The following TLCD4 variants were observed in gnomAD, a reference collection of about 807,000 sequenced individuals.
The protein encoded by TLCD4 is TLC domain containing 4.
In TLCD4, 7 loss-of-function variants were observed where a neutral mutation model predicts 24.2. The observed-to-expected ratio is 0.29, with a 90% CI of 0.16 to 0.54. TLCD4 has a LOEUF of 0.54. Ranked by LOEUF, TLCD4 falls within the 20% of genes least tolerant of loss-of-function variation. The pLI is 0.95. For synonymous variants in TLCD4, 103 were observed against 106.4 expected, an observed-to-expected ratio of 0.97 and a Z score of 0.20; for missense variants, 259 against 313.9, an observed-to-expected ratio of 0.82 and a Z score of 1.32.
intron 6 of TLCD4, among the ~76,000 whole-genome samples, chr1:95,179,704 C>T (rs75304418): frequency 0.012 from 1,830 of 152,274 alleles, 24 homozygotes; most frequent in Non-Finnish European, 0.021. Flanking sequence ...CTCTCAGTGG[C>T]TCTGGCTGCT....
intron 6 of TLCD4, among the ~76,000 whole-genome samples, chr1:95,178,563 CTTTTT>C (rs57190787): frequency 1.5e-4 from 12 of 82,388 alleles, no homozygotes; most frequent in African/African-American, 5.4e-4. Context: ...ATGCCCAGCC[CTTTTT>C]TTTTTTTTTT....
intron 6 of TLCD4, among the ~76,000 whole-genome samples, chr1:95,189,033 C>G (rs963412969): frequency 2.0e-5 from 3 of 152,122 alleles, no homozygotes; most frequent in Admixed American, 6.5e-5. Flanking sequence ...TAAAATAGTT[C>G]ACTGTTTCCA....
intron 2 of TLCD4, among the ~76,000 whole-genome samples, chr1:95,145,214 T>A (rs1677312761): frequency 6.6e-6 from 1 of 152,216 alleles, no homozygotes; most frequent in South Asian, 2.1e-4. Flanking sequence ...ATAAAATGGA[T>A]TCAGCAAGTC....
chr1:95,120,088 G>A (rs925157294), intron 1 of TLCD4: 2 of 152,188 alleles, frequency 1.3e-5, no homozygotes, highest in Non-Finnish European at 2.9e-5. Context: ...CACCAAACTA[G>A]TGCAGTCACC....
At chr1:95,162,825 T>C (rs557891341) in intron 5 of TLCD4, among the ~76,000 whole-genome samples, 1 of 152,374 alleles carries the variant, frequency 6.6e-6, no homozygotes, top group Admixed American at 6.5e-5. Context: ...TGTTGAACAT[T>C]GGCCCCCACT....
intron 1 of TLCD4, among the ~76,000 whole-genome samples, chr1:95,121,367 G>C (rs1390415776): frequency 2.6e-5 from 4 of 152,328 alleles, no homozygotes; most frequent in Admixed American, 2.6e-4. Flanking sequence ...TCACAATTTT[G>C]AGAAGTTGGA....
rs59538553 is a variant in TLCD4 at position 95,150,553 on chromosome 1, G to A, written c.304+287G>A. 9.6e-3 allele frequency among the ~76,000 whole-genome samples: 1,465 copies of A among 152,168 alleles called. 57 individuals are homozygous for A. Among genetic ancestry groups the A allele is most frequent in the East Asian group, 0.081 (421 of 5,168 alleles). ...CTCTTTGTCCTAATGAGGCTCTTAA[G>A]TGTAATGACTGTGAAACTAACGAAA... On this transcript the variant is annotated intron_variant, in intron 4 of 6. Coordinates refer to ENST00000370203, the MANE Select transcript of TLCD4 (RefSeq NM_152487.3).
chr1:95,148,177 C>T lies in TLCD4; in HGVS notation c.156-525C>T, dbSNP rs530505582. Among the ~76,000 whole-genome samples, 132 of 152,298 alleles carry T rather than the reference C, an allele frequency of 8.7e-4. 1 individual carries two copies. The highest frequency in any genetic ancestry group is 3.0e-3 in the African/African-American group (126 of 41,566). ...AATCAAGTGCAATAGTGCATGTCAA[C>T]GTACTTTAAAAACTGAAGCCTCCCA... On this transcript the variant is annotated intron_variant, in intron 2 of 6. Coordinates refer to ENST00000370203, the MANE Select transcript of TLCD4 (RefSeq NM_152487.3).
intron 2 of TLCD4, among the ~76,000 whole-genome samples, chr1:95,146,097 A>G (rs1677338301): frequency 6.6e-6 from 1 of 151,978 alleles, no homozygotes; most frequent in African/African-American, 2.4e-5. Context: ...AACACACATA[A>G]TTCTTTCTAG....
intron 1 of TLCD4, among the ~76,000 whole-genome samples, chr1:95,119,979 T>A (rs1185240524): frequency 6.6e-6 from 1 of 152,178 alleles, no homozygotes. Flanking sequence ...ATTAATTGTC[T>A]GGGTGAGAAT....
At chr1:95,139,799 A>G (rs533322167) in intron 1 of TLCD4, among the ~76,000 whole-genome samples, 1 of 152,280 alleles carries the variant, frequency 6.6e-6, no homozygotes, top group East Asian at 1.9e-4. Flanking sequence ...AAACAAACCC[A>G]TTGTATGGCT....
chr1:95,140,229 T>C (rs760025088), intron 1 of TLCD4, among the ~76,000 whole-genome samples: 2 of 152,206 alleles, frequency 1.3e-5, no homozygotes, highest in Non-Finnish European at 2.9e-5. Context: ...CTGCACATAA[T>C]TGTATGTGCT....
At chr1:95,114,659 G>A (rs976570858), upstream of TLCD4, among the ~76,000 whole-genome samples, 8 of 151,908 alleles carry the variant, frequency 5.3e-5, no homozygotes, top group Admixed American at 6.6e-5. Flanking sequence ...GTGAAACCCC[G>A]TCTCTATTAG....
chr1:95,108,429 C>T, the TLCD4 span, among the ~76,000 whole-genome samples: 3 of 151,982 alleles, frequency 2.0e-5, no homozygotes, highest in African/African-American at 7.2e-5. Flanking sequence ...GTGGGAGTGC[C>T]GTGGTGCAAT....
chr1:95,129,468 G>A (rs1402058660), intron 1 of TLCD4, among the ~76,000 whole-genome samples: 1 of 152,084 alleles, frequency 6.6e-6, no homozygotes, highest in Non-Finnish European at 1.5e-5. Context: ...CAGGCCAGGC[G>A]CGGTAGCTCA....
chr1:95,138,675 C>T (rs1677112020), intron 1 of TLCD4: 1 of 151,662 alleles, frequency 6.6e-6, no homozygotes, highest in Admixed American at 6.6e-5. Context: ...CTACACAATG[C>T]CAAGTATTTG....
At chr1:95,164,954 G>A (rs1260963651) in intron 5 of TLCD4, 1 of 151,928 alleles carries the variant, frequency 6.6e-6, no homozygotes, top group Non-Finnish European at 1.5e-5. Context: ...ACATATTTGA[G>A]TAGCTTCATA....
chr1:95,099,958 C>T, the TLCD4 span, among the ~76,000 whole-genome samples: 1 of 151,096 alleles, frequency 6.6e-6, no homozygotes, highest in Non-Finnish European at 1.5e-5. Context: ...TTGGTGAAAC[C>T]CCCCCTCTAC....
intron 1 of TLCD4, among the ~76,000 whole-genome samples, chr1:95,122,864 C>G (rs1676607928): frequency 6.6e-6 from 1 of 152,098 alleles, no homozygotes. Context: ...TTAAACTTCT[C>G]TCTATATCTG....
Sources: allele counts gnomAD v4.1 joint callset (sites outside exome capture counted in the v4.1 genomes callset), GRCh38; gene constraint gnomAD v4.1.1; transcripts MANE v1.5; gene names NCBI Gene and HGNC (gene_info 2026-07-23, HGNC 2026-07-21).